CFAP47: variants seen among roughly 807,000 people sequenced by gnomAD.
CFAP47 encodes the protein cilia- and flagella-associated protein 47.
In CFAP47, 29 loss-of-function variants were observed where a neutral mutation model predicts 148.1. The observed-to-expected ratio is 0.20, with a 90% CI of 0.15 to 0.27. CFAP47 has a LOEUF of 0.27. Ranked by LOEUF, CFAP47 falls within the 10% of genes least tolerant of loss-of-function variation. The probability of loss-of-function intolerance (pLI) is 1.00; values close to 1 mark genes in which losing one functional copy is unlikely to be tolerated. For missense variants in CFAP47, 1,872 were observed against 1,697.5 expected (o/e 1.10, Z -1.81); for synonymous variants, 664 against 577.3 (o/e 1.15, Z -2.15).
At chrX:36,160,842 C>A in intron 39 of CFAP47, 73 bp downstream of exon 39, 2 of 220,950 alleles carry the variant, frequency 9.1e-6, no homozygotes, top group Non-Finnish European at 7.9e-6. Flanking sequence ...ATGTGATTTT[C>A]TTTCTTTCTT....
chrX:35,968,026 G>T (rs1280043209), intron 10 of CFAP47, among the ~76,000 whole-genome samples, 194 bp downstream of exon 10: 1 of 109,929 alleles, frequency 9.1e-6, no homozygotes, highest in African/African-American at 3.3e-5. Flanking sequence ...CACTGTGTTT[G>T]TTTTCGGTTA....
intron 48 of CFAP47, among the ~76,000 whole-genome samples, chrX:36,244,929 T>C (rs964458702): frequency 1.8e-5 from 2 of 110,866 alleles, no homozygotes; most frequent in Non-Finnish European, 3.8e-5. Flanking sequence ...GAGGCCGATA[T>C]CCCTGATGAA....
At chrX:35,974,675 T>TAAG (rs1428333529) in intron 13 of CFAP47, among the ~76,000 whole-genome samples, 1 of 111,981 alleles carries the variant, frequency 8.9e-6, no homozygotes, top group Non-Finnish European at 1.9e-5. Context: ...TTTAACTAAT[T>TAAG]AAGCTGTTAA....
chrX:36,135,874 T>A (rs1456723520), intron 33 of CFAP47, among the ~76,000 whole-genome samples: 1 of 111,599 alleles, frequency 9.0e-6, no homozygotes, highest in Non-Finnish European at 1.9e-5. Context: ...TGAATATAAC[T>A]GGGTTACAAA....
chrX:35,959,593 G>T (rs1018524993), intron 8 of CFAP47, among the ~76,000 whole-genome samples: 3 of 111,490 alleles, frequency 2.7e-5, no homozygotes, highest in Non-Finnish European at 5.6e-5. Flanking sequence ...TGGATCATGA[G>T]GTCAGGAGTT....
At chrX:35,924,990 A>T (rs73466932) in intron 1 of CFAP47, among the ~76,000 whole-genome samples, 4,291 of 111,318 alleles carry the variant, frequency 0.039, 200 homozygotes, top group African/African-American at 0.13. Context: ...GAAAGGAAAA[A>T]TGTTGGTCAA....
chrX:36,237,606 A>G (rs1255233143), intron 48 of CFAP47, among the ~76,000 whole-genome samples: 2 of 112,450 alleles, frequency 1.8e-5, no homozygotes, highest in Non-Finnish European at 3.8e-5. Context: ...CTGGGATTAC[A>G]GGCATGAGCC....
intron 25 of CFAP47, among the ~76,000 whole-genome samples, chrX:36,041,343 G>A (rs1937402167): frequency 9.0e-6 from 1 of 111,314 alleles, no homozygotes; most frequent in Non-Finnish European, 1.9e-5. Context: ...ATACTATAAA[G>A]AGGTCTATTC....
At chrX:36,163,093 C>G (rs1939449126) in intron 39 of CFAP47, among the ~76,000 whole-genome samples, 2 of 111,979 alleles carry the variant, frequency 1.8e-5, no homozygotes, top group Admixed American at 1.9e-4. Context: ...TGAGCCTGTT[C>G]AGATTTTCTG....
chrX:36,171,824 A>G (rs1455901611), intron 39 of CFAP47, among the ~76,000 whole-genome samples: 1 of 110,567 alleles, frequency 9.0e-6, no homozygotes, highest in Non-Finnish European at 1.9e-5. Context: ...GTTTTTTCCA[A>G]TTCTGTGAAG....
At chrX:36,122,711 A>G (rs947414594) in intron 33 of CFAP47, among the ~76,000 whole-genome samples, 2 of 111,443 alleles carry the variant, frequency 1.8e-5, no homozygotes, top group Admixed American at 9.5e-5. Flanking sequence ...TCTCCATATT[A>G]TCTTGAATTT....
In CFAP47 at chrX:36,089,819, G is replaced by A. The variant is rs752706913; in HGVS notation, c.4916+4281G>A. Among the ~76,000 whole-genome samples the A allele has an allele frequency of 2.3e-4, 26 of 111,461 alleles. No individual in the cohort carries two copies. The South Asian group carries it at 5.6e-3, about 24-fold the overall frequency. On this transcript the variant is annotated intron_variant, in intron 30 of 63. Coordinates refer to ENST00000378653, the MANE Select transcript of CFAP47 (RefSeq NM_001304548.2). ...ATAACAAACCTGCATATGTACTATT[G>A]AACTTAAAATTTAAATAAAAAAAGA...
At chrX:36,354,019 A>G (rs1941765181) in intron 60 of CFAP47, among the ~76,000 whole-genome samples, 1 of 111,902 alleles carries the variant, frequency 8.9e-6, no homozygotes, top group African/African-American at 3.2e-5. Context: ...GATTATGATA[A>G]TGCCATAAAA....
chrX:36,297,249 T>A (rs192732085), intron 51 of CFAP47, among the ~76,000 whole-genome samples: 20 of 111,956 alleles, frequency 1.8e-4, no homozygotes, highest in Middle Eastern at 4.6e-3. Context: ...TTAGAGGTGA[T>A]CAGGCAAATA....
chrX:36,171,051 T>C (rs1939568399), intron 39 of CFAP47, among the ~76,000 whole-genome samples: 3 of 111,425 alleles, frequency 2.7e-5, no homozygotes, highest in Admixed American at 9.5e-5. Context: ...TGGCCAGTGA[T>C]GGTGAGCATT....
chrX:36,354,505 T>C lies in CFAP47; in HGVS notation c.8851+824T>C, dbSNP rs1461873617. On this transcript the variant is annotated intron_variant, in intron 60 of 63. Coordinates refer to ENST00000378653, the MANE Select transcript of CFAP47 (RefSeq NM_001304548.2). The stretch of plus-strand genomic sequence containing the variant: ...CAAAAAAAAAAAAAAAAAAAAGATT[T>C]ACTATCTCAATTAAAAAACATCAAA... Among the ~76,000 whole-genome samples, 4 of 108,866 alleles carry C rather than the reference T, an allele frequency of 3.7e-5. 1 individual carries two copies. Among genetic ancestry groups the C allele is most frequent in the African/African-American group, 1.3e-4 (4 of 29,776 alleles). The allele number at this position is 108,866 out of a possible 115,157, so 94.5% of individuals were successfully genotyped here.
chrX:36,071,192 G>A (rs1467079957), intron 27 of CFAP47, among the ~76,000 whole-genome samples: 2 of 112,331 alleles, frequency 1.8e-5, no homozygotes, highest in Non-Finnish European at 3.8e-5. Flanking sequence ...CCTGCATCAA[G>A]ACTATGACTA....
chrX:36,286,534 T>G (rs1228308261), intron 51 of CFAP47, among the ~76,000 whole-genome samples: 1 of 111,293 alleles, frequency 9.0e-6, no homozygotes, highest in Non-Finnish European at 1.9e-5. Context: ...TGATTAAAAT[T>G]TTGAAATGTG....
intron 56 of CFAP47, among the ~76,000 whole-genome samples, chrX:36,311,798 C>T (rs782674342): frequency 9.0e-6 from 1 of 111,129 alleles, no homozygotes; most frequent in African/African-American, 3.2e-5. Context: ...CTCCATCAAT[C>T]TGATTGAAAG....
Sources: gnomAD v4.1 joint callset for allele counts (sites outside exome capture counted in the v4.1 genomes callset) on GRCh38, gnomAD v4.1.1 for gene constraint, MANE v1.5 for transcripts, NCBI Gene and HGNC (gene_info 2026-07-23, HGNC 2026-07-21) for gene names.